CD2AP: variants seen among roughly 807,000 people sequenced by gnomAD.
CD2AP encodes the protein CD2 associated protein.
In CD2AP, 46 loss-of-function variants were observed where a neutral mutation model predicts 85.1. That is an observed-to-expected ratio of 0.54 (90% confidence interval 0.43 to 0.69). The LOEUF (loss-of-function observed/expected upper bound fraction) is 0.69, where lower values mean the gene tolerates loss of function less well. Ranked by LOEUF, CD2AP falls within the 30% of genes least tolerant of loss-of-function variation. The probability of loss-of-function intolerance (pLI) is 0.00; values close to 1 mark genes in which losing one functional copy is unlikely to be tolerated. For missense variants in CD2AP, 769 were observed against 729.5 expected (o/e 1.05, Z -0.62); for synonymous variants, 255 against 252.9 (o/e 1.01, Z -0.08).
chr6:47,491,686 T>C lies in CD2AP; in HGVS notation c.5-11594T>C, dbSNP rs77834091. ...TTATTGTCAAAATAATGCATATTTA[T>C]TAAAGCAGACTAGTAGAAAATCTTT... On this transcript the variant is annotated intron_variant, in intron 1 of 17. Transcript: ENST00000359314. 7.9e-5 allele frequency among the ~76,000 whole-genome samples: 12 copies of C among 152,284 alleles called. No individual in the cohort carries two copies. The East Asian group carries it at 1.3e-3, about 17-fold the overall frequency.
Position 47,625,160 on chromosome 6 carries a change from G to C in CD2AP, c.*933G>C, listed in dbSNP as rs1161890442. 1 of 151,778 alleles carries C rather than the reference G, an allele frequency of 6.6e-6. No homozygotes were observed. Among genetic ancestry groups the C allele is most frequent in the Non-Finnish European group, 1.5e-5 (1 of 67,784 alleles). 9.4% of individuals were successfully genotyped at this position (151,778 alleles called of 1,614,324 possible). A position where few individuals can be genotyped will look rare whatever the true frequency, so the allele number is the denominator to read the frequency against. ...ATATTTCTCATTATCTTGTCACTTA[G>C]TTCTTCATGTTTCTCCTTCTGACTT... On this transcript the variant is annotated 3_prime_UTR_variant, in exon 18 of 18. Coordinates refer to ENST00000359314, the MANE Select transcript of CD2AP (RefSeq NM_012120.3).
At chr6:47,621,303 T>C (rs1391161703) in intron 17 of CD2AP, among the ~76,000 whole-genome samples, 1 of 152,226 alleles carries the variant, frequency 6.6e-6, no homozygotes, top group African/African-American at 2.4e-5. Flanking sequence ...TGAGATGATA[T>C]GTGATTTTTG....
At chr6:47,536,697 T>G (rs1156558715) in intron 3 of CD2AP, among the ~76,000 whole-genome samples, 1 of 152,190 alleles carries the variant, frequency 6.6e-6, no homozygotes, top group African/African-American at 2.4e-5. Context: ...CATGGAATAG[T>G]GTTTCTCAGG....
intron 2 of CD2AP, among the ~76,000 whole-genome samples, chr6:47,525,567 G>GATT (rs1432566070): frequency 1.3e-5 from 2 of 152,086 alleles, no homozygotes; most frequent in Non-Finnish European, 2.9e-5. Context: ...TAGATAGCCA[G>GATT]ATTATTATAT....
At chr6:47,509,081 G>A (rs1766252274) in intron 2 of CD2AP, among the ~76,000 whole-genome samples, 1 of 152,100 alleles carries the variant, frequency 6.6e-6, no homozygotes, top group Non-Finnish European at 1.5e-5. Flanking sequence ...GAATACTAGA[G>A]GCTGTTGTAG....
chr6:47,536,999 A>G (rs1767068615), intron 3 of CD2AP, among the ~76,000 whole-genome samples: 1 of 152,146 alleles, frequency 6.6e-6, no homozygotes, highest in Non-Finnish European at 1.5e-5. Flanking sequence ...TGCTAATTGT[A>G]TTTTCCTTAG....
chr6:47,510,643 AT>A (rs1766287231), intron 2 of CD2AP, among the ~76,000 whole-genome samples: 1 of 152,208 alleles, frequency 6.6e-6, no homozygotes, highest in Non-Finnish European at 1.5e-5. Flanking sequence ...ATTGATATAA[AT>A]AAATGGTTGA....
At chr6:47,569,633 T>G (rs747494409) in intron 5 of CD2AP, among the ~76,000 whole-genome samples, 2 of 151,964 alleles carry the variant, frequency 1.3e-5, no homozygotes, top group Non-Finnish European at 2.9e-5. Context: ...AAAGTTCATT[T>G]TCTTAGGAGG....
chr6:47,571,387 A>G lies in CD2AP; in HGVS notation c.542-2677A>G, dbSNP rs564471317. On this transcript the variant is annotated intron_variant, in intron 5 of 17. Coordinates refer to ENST00000359314, the MANE Select transcript of CD2AP (RefSeq NM_012120.3). ...GACTGGTATTCCTGAGAAAAGGGGA[A>G]AGAACAAGGGGAAAGGAGAGCTCTA... Among the ~76,000 whole-genome samples, 13 of 152,288 alleles carry G rather than the reference A, an allele frequency of 8.5e-5. No homozygotes were observed. The East Asian group carries it at 2.5e-3, about 29-fold the overall frequency.
At chr6:47,492,467 G>A (rs934859849) in intron 1 of CD2AP, among the ~76,000 whole-genome samples, 7 of 143,916 alleles carry the variant, frequency 4.9e-5, no homozygotes, top group Middle Eastern at 3.9e-3. Context: ...ATCCTCCCCC[G>A]TTAGGCTCCC....
intron 4 of CD2AP, among the ~76,000 whole-genome samples, chr6:47,547,840 C>T (rs761254714): frequency 5.3e-5 from 8 of 152,020 alleles, no homozygotes; most frequent in South Asian, 2.1e-4. Flanking sequence ...CACACCACAG[C>T]GAAATAAAAC....
At chr6:47,555,043 TC>T (rs1767642297) in intron 5 of CD2AP, among the ~76,000 whole-genome samples, 1 of 152,210 alleles carries the variant, frequency 6.6e-6, no homozygotes, top group Admixed American at 6.5e-5. Context: ...TCTGATTTCT[TC>T]CTAGTAAAGA....
At chr6:47,542,908 T>C (rs1402779471) in intron 3 of CD2AP, among the ~76,000 whole-genome samples, 4 of 151,934 alleles carry the variant, frequency 2.6e-5, no homozygotes, top group African/African-American at 9.7e-5. Context: ...CCTAGCACTT[T>C]GGGAGGTCCA....
chr6:47,588,471 T>C (rs1182244763), intron 11 of CD2AP, among the ~76,000 whole-genome samples: 1 of 152,168 alleles, frequency 6.6e-6, no homozygotes, highest in African/African-American at 2.4e-5. Context: ...ATGACGTGTT[T>C]ACATTTGTTT....
chr6:47,557,869 A>T (rs959983962), intron 5 of CD2AP, among the ~76,000 whole-genome samples: 2 of 152,154 alleles, frequency 1.3e-5, no homozygotes, highest in African/African-American at 4.8e-5. Context: ...GAAGAAAGTC[A>T]GTGGTAGCTT....
intron 17 of CD2AP, 59 bp from the exon 18 acceptor site, chr6:47,624,127 A>G: frequency 7.3e-7 from 1 of 1,365,360 alleles, no homozygotes; most frequent in Non-Finnish European, 1.0e-6. Flanking sequence ...ACATAGAGTA[A>G]AATAAACTAC....
chr6:47,619,207 T>G (rs987292540), intron 17 of CD2AP, among the ~76,000 whole-genome samples: 1 of 152,210 alleles, frequency 6.6e-6, no homozygotes, highest in African/African-American at 2.4e-5. Flanking sequence ...GTTCGTAGTC[T>G]TTCATCCCTC....
intron 2 of CD2AP, among the ~76,000 whole-genome samples, chr6:47,531,940 G>A (rs1766889884): frequency 6.6e-6 from 1 of 151,874 alleles, no homozygotes; most frequent in Non-Finnish European, 1.5e-5. Flanking sequence ...AGGTGTGGTG[G>A]TGCATGCCTG....
At chr6:47,511,994 TA>T (rs1766326380) in intron 2 of CD2AP, among the ~76,000 whole-genome samples, 1 of 151,956 alleles carries the variant, frequency 6.6e-6, no homozygotes, top group Admixed American at 6.6e-5. Flanking sequence ...CCGTCTCTAC[TA>T]AAAATACAAA....
Sources: gnomAD v4.1 joint callset for allele counts (sites outside exome capture counted in the v4.1 genomes callset) on GRCh38, gnomAD v4.1.1 for gene constraint, MANE v1.5 for transcripts, NCBI Gene and HGNC (gene_info 2026-07-23, HGNC 2026-07-21) for gene names.